Variants in SLC25A26 observed in about 807,000 individuals in gnomAD.
SLC25A26 encodes mitochondrial S-adenosylmethionine carrier protein.
In SLC25A26, 36 loss-of-function variants were observed where a neutral mutation model predicts 37.8. The observed-to-expected ratio is 0.95, with a 90% CI of 0.73 to 1.26. The LOEUF (loss-of-function observed/expected upper bound fraction) is 1.26, where lower values mean the gene tolerates loss of function less well. Ranked by LOEUF, SLC25A26 falls within the 50% of genes most tolerant of loss-of-function variation. The probability of loss-of-function intolerance (pLI) is 0.00; values close to 1 mark genes in which losing one functional copy is unlikely to be tolerated. For synonymous variants in SLC25A26, 129 were observed against 122.5 expected (o/e 1.05, Z -0.35); for missense variants, 390 against 331.1 (o/e 1.18, Z -1.38).
chr3:66,214,343 C>G (rs1170226952), intron 1 of SLC25A26, among the ~76,000 whole-genome samples: 4 of 152,130 alleles, frequency 2.6e-5, no homozygotes, highest in African/African-American at 9.7e-5. Flanking sequence ...CTTGTACAGC[C>G]TGCAGAACCG....
intron 7 of SLC25A26, among the ~76,000 whole-genome samples, chr3:66,366,127 C>T (rs2076819402): frequency 6.6e-6 from 1 of 152,116 alleles, no homozygotes; most frequent in South Asian, 2.1e-4. Flanking sequence ...AAGCAGTTAG[C>T]CTAACATTCA....
At chr3:66,262,642 G>T (rs951722591) in intron 4 of SLC25A26, among the ~76,000 whole-genome samples, 1 of 152,146 alleles carries the variant, frequency 6.6e-6, no homozygotes, top group Non-Finnish European at 1.5e-5. Context: ...TTCCTTTATA[G>T]TTTTTATGGA....
chr3:66,331,835 A>G (rs1242681299), intron 5 of SLC25A26, among the ~76,000 whole-genome samples: 2 of 152,274 alleles, frequency 1.3e-5, no homozygotes, highest in East Asian at 3.9e-4. Flanking sequence ...TCTCCTGCTT[A>G]CATCCCTCCT....
chr3:66,261,044 A>G (rs974091204), intron 3 of SLC25A26, among the ~76,000 whole-genome samples: 2 of 152,146 alleles, frequency 1.3e-5, no homozygotes, highest in Admixed American at 6.5e-5. Flanking sequence ...TGTGTACTCT[A>G]TTTGGTGGAA....
At chr3:66,140,025 T>A (rs546663152) in intron 1 of SLC25A26, among the ~76,000 whole-genome samples, 2 of 152,340 alleles carry the variant, frequency 1.3e-5, no homozygotes, top group Admixed American at 6.5e-5. Flanking sequence ...ACTTACTAAC[T>A]TACTGGCTCA....
chr3:66,350,645 C>G (rs2076429205), intron 6 of SLC25A26, among the ~76,000 whole-genome samples: 2 of 152,094 alleles, frequency 1.3e-5, no homozygotes, highest in Admixed American at 6.6e-5. Context: ...ATTCAAGTTT[C>G]TCAACACCCT....
At chr3:66,368,720 A>G (rs1700170281) in intron 7 of SLC25A26, among the ~76,000 whole-genome samples, 1 of 152,206 alleles carries the variant, frequency 6.6e-6, no homozygotes, top group South Asian at 2.1e-4. Flanking sequence ...GAGTCACTTT[A>G]AAGAACAGTG....
At chr3:66,235,398 A>G (rs1235371666) in intron 1 of SLC25A26, among the ~76,000 whole-genome samples, 2 of 152,216 alleles carry the variant, frequency 1.3e-5, no homozygotes, top group Non-Finnish European at 2.9e-5. Flanking sequence ...CCAAAGCAAC[A>G]TGGTATCTCT....
At chr3:66,286,443 GAA>G (rs1167329095) in intron 5 of SLC25A26, among the ~76,000 whole-genome samples, 1 of 151,822 alleles carries the variant, frequency 6.6e-6, no homozygotes, top group African/African-American at 2.4e-5. Context: ...AGCATTTGTT[GAA>G]AAGATTTTTT....
At position 66,248,939 on chromosome 3, in the gene SLC25A26, A is replaced by C. The variant is rs1322202391; in HGVS notation, c.300+5627A>C. ...CTCTAGATGATTGTGCAACTCACCA[A>C]TATTTAATGCCACTGATCTAGGCAC... On this transcript the variant is annotated intron_variant, in intron 3 of 9. Coordinates refer to ENST00000354883, the MANE Select transcript of SLC25A26 (RefSeq NM_001379210.1). 2.0e-5 allele frequency among the ~76,000 whole-genome samples: 3 copies of C among 152,148 alleles called. No homozygotes were observed. In the East Asian group the frequency reaches 5.8e-4, roughly 29 times the overall value.
chr3:66,163,680 C>T (rs559368633), intron 1 of SLC25A26, among the ~76,000 whole-genome samples: 2 of 152,312 alleles, frequency 1.3e-5, no homozygotes, highest in African/African-American at 2.4e-5. Flanking sequence ...GTGCCCGCCT[C>T]CTCTTCACTG....
intron 6 of SLC25A26, among the ~76,000 whole-genome samples, chr3:66,361,972 CAAAA>C (rs1010977082): frequency 6.8e-6 from 1 of 147,034 alleles, no homozygotes; most frequent in Admixed American, 6.8e-5. Context: ...GAGTCTGTCT[CAAAA>C]AAAAAGAAGA....
At chr3:66,317,204 C>T (rs756371413) in intron 5 of SLC25A26, among the ~76,000 whole-genome samples, 35 of 152,302 alleles carry the variant, frequency 2.3e-4, no homozygotes, top group Non-Finnish European at 3.7e-4. Flanking sequence ...TTTGAGTTTG[C>T]AGCATTTTTG....
chr3:66,299,955 A>G (rs1302959142), intron 5 of SLC25A26, among the ~76,000 whole-genome samples: 1 of 152,214 alleles, frequency 6.6e-6, no homozygotes, highest in Non-Finnish European at 1.5e-5. Flanking sequence ...TTAATATTTA[A>G]TAAACTACCA....
At chr3:66,144,308 G>A (rs1003710617) in intron 1 of SLC25A26, among the ~76,000 whole-genome samples, 1 of 152,176 alleles carries the variant, frequency 6.6e-6, no homozygotes, top group African/African-American at 2.4e-5. Context: ...TGTAAGTACA[G>A]TTTCTAACAC....
chr3:66,318,232 G>A (rs1032715726), intron 5 of SLC25A26, among the ~76,000 whole-genome samples: 2 of 152,118 alleles, frequency 1.3e-5, no homozygotes, highest in Non-Finnish European at 2.9e-5. Flanking sequence ...GTGTCTGCTC[G>A]AGACACCACC....
At chr3:66,346,733 T>C (rs972534105) in intron 6 of SLC25A26, among the ~76,000 whole-genome samples, 11 of 148,272 alleles carry the variant, frequency 7.4e-5, no homozygotes, top group African/African-American at 2.9e-4. Context: ...TGTGTGTGTG[T>C]GTGTGTGTGT....
Position 66,213,571 on chromosome 3 carries a change from T to C in SLC25A26, c.-353-7171T>C, listed in dbSNP as rs2071317097. On this transcript the variant is annotated intron_variant, in intron 1 of 10. Coordinates refer to the SLC25A26 transcript ENST00000676754. ...CCCATACATGCACAGCCTATGACAT[T>C]ATCAATATTCTTTACCAGAGGGGTA... 2.6e-5 allele frequency among the ~76,000 whole-genome samples: 4 copies of C among 152,036 alleles called. 1 individual carries two copies. Among genetic ancestry groups the C allele is most frequent in the Admixed American group, 2.6e-4 (4 of 15,254 alleles).
intron 1 of SLC25A26, among the ~76,000 whole-genome samples, chr3:66,154,769 A>C (rs572249661): frequency 1.3e-5 from 2 of 152,290 alleles, no homozygotes; most frequent in African/African-American, 4.8e-5. Flanking sequence ...GGCATAAGCC[A>C]CAGCGCCCGG....
Sources: allele counts gnomAD v4.1 joint callset (sites outside exome capture counted in the v4.1 genomes callset), GRCh38; gene constraint gnomAD v4.1.1; transcripts MANE v1.5; gene names NCBI Gene and HGNC (gene_info 2026-07-23, HGNC 2026-07-21).